WDR49: variants seen among roughly 807,000 people sequenced by gnomAD.
WDR49 encodes WD repeat domain 49.
Under a neutral mutation model 119.5 loss-of-function variants are expected in WDR49, and 107 were observed. That is an observed-to-expected ratio of 0.90 (90% confidence interval 0.77 to 1.05). WDR49 has a LOEUF of 1.05. WDR49 is among the 50% of genes least tolerant of loss of function. WDR49 has a pLI of 0.00. For missense variants in WDR49, 1,240 were observed against 1,220.5 expected, an observed-to-expected ratio of 1.02 and a Z score of -0.24; for synonymous variants, 425 against 418.8, an observed-to-expected ratio of 1.01 and a Z score of -0.18.
At chr3:167,652,203 G>A (rs1383478926) in intron 2 of WDR49, among the ~76,000 whole-genome samples, 2 of 152,096 alleles carry the variant, frequency 1.3e-5, no homozygotes, top group African/African-American at 4.8e-5. Context: ...TACTAAATAT[G>A]ATAAGTTCTA....
intron 5 of WDR49, among the ~76,000 whole-genome samples, chr3:167,606,164 T>C (rs1386227445): frequency 6.6e-6 from 1 of 152,228 alleles, no homozygotes; most frequent in Non-Finnish European, 1.5e-5. Flanking sequence ...GTATTGCCAT[T>C]ATTTTATACT....
At chr3:167,483,875 A>G (rs1354979815) in intron 18 of WDR49, among the ~76,000 whole-genome samples, 1 of 152,158 alleles carries the variant, frequency 6.6e-6, no homozygotes, top group East Asian at 1.9e-4. Context: ...TCATTTGTAA[A>G]TCTATATGTG....
chr3:167,539,727 C>T (rs1711670656), intron 10 of WDR49, among the ~76,000 whole-genome samples: 1 of 152,126 alleles, frequency 6.6e-6, no homozygotes, highest in Admixed American at 6.6e-5. Flanking sequence ...CCTTCCCTGA[C>T]CACCCTATCT....
At chr3:167,524,215 T>G (rs532362290) in intron 15 of WDR49, among the ~76,000 whole-genome samples, 2 of 152,346 alleles carry the variant, frequency 1.3e-5, no homozygotes, top group African/African-American at 4.8e-5. Context: ...TGTCTGTTCA[T>G]ATCCTTCACT....
At chr3:167,604,504 G>A in intron 5 of WDR49, 36 bp from the exon 6 acceptor site, 1 of 1,529,850 alleles carries the variant, frequency 6.5e-7, no homozygotes, top group Non-Finnish European at 8.8e-7. Flanking sequence ...ACAATCTTTA[G>A]TTGATTCTTC....
chr3:167,521,665 A>G (rs1308959942), intron 16 of WDR49, among the ~76,000 whole-genome samples: 1 of 152,206 alleles, frequency 6.6e-6, no homozygotes, highest in African/African-American at 2.4e-5. Context: ...TAATAAGCTC[A>G]GATATCTATC....
chr3:167,568,480 A>G (rs934963895), intron 8 of WDR49, among the ~76,000 whole-genome samples: 34 of 152,174 alleles, frequency 2.2e-4, no homozygotes, highest in Admixed American at 1.8e-3. Context: ...CAAAAAAAGT[A>G]TATGGTTTTT....
chr3:167,541,623 A>G (rs1322014700), intron 10 of WDR49, among the ~76,000 whole-genome samples: 3 of 152,142 alleles, frequency 2.0e-5, no homozygotes, highest in Non-Finnish European at 4.4e-5. Context: ...ATGAAACAAT[A>G]ACACAGTGGA....
At chr3:167,604,271 C>T in intron 6 of WDR49, 30 bp downstream of exon 6, 1 of 1,610,406 alleles carries the variant, frequency 6.2e-7, no homozygotes, top group Non-Finnish European at 8.5e-7. Flanking sequence ...TTATGAGGCC[C>T]TCATAGTTAT....
At chr3:167,569,991 C>A (rs1179858231) in intron 8 of WDR49, among the ~76,000 whole-genome samples, 1 of 151,944 alleles carries the variant, frequency 6.6e-6, no homozygotes, top group Non-Finnish European at 1.5e-5. Context: ...TGTATGTGTG[C>A]ATGTACATGT....
intron 8 of WDR49, among the ~76,000 whole-genome samples, chr3:167,565,978 G>C (rs1713572462): frequency 6.6e-6 from 1 of 151,986 alleles, no homozygotes; most frequent in South Asian, 2.1e-4. Flanking sequence ...GTATTTTATA[G>C]ATAAGAAAGC....
intron 16 of WDR49, among the ~76,000 whole-genome samples, chr3:167,508,127 T>C (rs1180966760): frequency 6.6e-6 from 1 of 152,136 alleles, no homozygotes; most frequent in Non-Finnish European, 1.5e-5. Context: ...GGAGGTATAA[T>C]GACTGTGACA....
intron 18 of WDR49, among the ~76,000 whole-genome samples, chr3:167,493,627 T>C (rs994743278): frequency 6.6e-6 from 1 of 152,242 alleles, no homozygotes; most frequent in Non-Finnish European, 1.5e-5. Context: ...CCTATTCCTA[T>C]ATTCCTTAGA....
At chr3:167,561,175 G>C (rs184882766) in intron 8 of WDR49, among the ~76,000 whole-genome samples, 23 of 152,200 alleles carry the variant, frequency 1.5e-4, no homozygotes, top group Non-Finnish European at 4.4e-5. Flanking sequence ...AATCAAATGG[G>C]TTGAAGTTTA....
At chr3:167,635,131 T>C (rs1577292499) in intron 2 of WDR49, among the ~76,000 whole-genome samples, 2 of 151,818 alleles carry the variant, frequency 1.3e-5, no homozygotes, top group African/African-American at 4.8e-5. Context: ...CAGCAACATA[T>C]ATATATTCCT....
At chr3:167,600,583 C>T (rs566610102) in intron 7 of WDR49, among the ~76,000 whole-genome samples, 13 of 152,246 alleles carry the variant, frequency 8.5e-5, no homozygotes, top group African/African-American at 3.1e-4. Flanking sequence ...TGATCTTGCT[C>T]CATCCCTATT....
At chr3:167,547,410 GA>G (rs1187837340) in intron 10 of WDR49, among the ~76,000 whole-genome samples, 1 of 151,438 alleles carries the variant, frequency 6.6e-6, no homozygotes, top group Non-Finnish European at 1.5e-5. Context: ...TTTATGAATA[GA>G]AAAAAATCTT....
At chr3:167,510,291 AT>A (rs1751919812) in intron 16 of WDR49, among the ~76,000 whole-genome samples, 1 of 152,204 alleles carries the variant, frequency 6.6e-6, no homozygotes, top group Non-Finnish European at 1.5e-5. Context: ...TAATAAGGAA[AT>A]ATTCTGAAAC....
chr3:167,630,491 G>A lies in WDR49; in HGVS notation c.166-3199C>T, dbSNP rs78626143. 8.3e-3 allele frequency among the ~76,000 whole-genome samples: 1,260 copies of A among 152,086 alleles called. 90 individuals carry two copies. The East Asian group carries it at 0.17, about 21-fold the overall frequency. On this transcript the variant is annotated intron_variant, in intron 2 of 18. Coordinates refer to ENST00000682715, the MANE Select transcript of WDR49 (RefSeq NM_001366157.1). ...ACTGCAGTGGTCTGGAACCAAATCC[G>A]CAATATCTCCGAGGTATGCCTGTCA...
Sources: allele counts gnomAD v4.1 joint callset (sites outside exome capture counted in the v4.1 genomes callset), GRCh38; gene constraint gnomAD v4.1.1; transcripts MANE v1.5; gene names NCBI Gene and HGNC (gene_info 2026-07-23, HGNC 2026-07-21).